Variants in CSNK2A1 observed in about 807,000 individuals in gnomAD.
The protein encoded by CSNK2A1 is casein kinase 2 alpha 1, also known as casein kinase II subunit alpha.
A neutral mutation model predicts 62.9 loss-of-function variants in CSNK2A1; 10 were observed. The ratio of observed to expected loss-of-function variants is 0.16; its 90% CI spans 0.10 to 0.27. The LOEUF (loss-of-function observed/expected upper bound fraction) is 0.27, where lower values mean the gene tolerates loss of function less well. Ranked by LOEUF, CSNK2A1 falls within the 10% of genes least tolerant of loss-of-function variation. The pLI, the probability that CSNK2A1 is intolerant of heterozygous loss-of-function variation, is 1.00. For synonymous variants in CSNK2A1, 124 were observed against 167.8 expected, an observed-to-expected ratio of 0.74 and a Z score of 2.02; for missense variants, 160 against 492.0, an observed-to-expected ratio of 0.33 and a Z score of 6.38.
chr20:527,796 C>T (rs2019128851), intron 2 of CSNK2A1, 137 bp downstream of exon 2: 1 of 152,200 alleles, frequency 6.6e-6, no homozygotes, highest in African/African-American at 2.4e-5. Flanking sequence ...GTTTCAGCCT[C>T]CCAAAGTGCT....
At chr20:526,997 C>CAGAGAG (rs1186187834) in intron 2 of CSNK2A1, 3 of 53,934 alleles carry the variant, frequency 5.6e-5, no homozygotes, top group South Asian at 9.3e-4. Context: ...GAGAGAGAGA[C>CAGAGAG]AGACAGAGAG....
In CSNK2A1 at chr20:481,888, C is replaced by A. The variant is rs532243957; in HGVS notation, c.*2073G>T. 7.9e-5 allele frequency: 12 copies of A among 152,302 alleles called. No homozygotes were observed. In the South Asian group the frequency reaches 2.5e-3, roughly 32 times the overall value. 9.4% of individuals were successfully genotyped at this position (152,302 alleles called of 1,614,324 possible). Reference sequence around the variant, plus strand: ...CTTCTGCACAAATTCAACATGGTAACCCTCACAGCATTCTAGGGCATAAAA... The same window carrying A: ...CTTCTGCACAAATTCAACATGGTAAACCTCACAGCATTCTAGGGCATAAAA... On this transcript the variant is annotated 3_prime_UTR_variant, in exon 14 of 14. Transcript: ENST00000217244.
In CSNK2A1 at chr20:496,918, T is replaced by C. The variant is rs559741406; in HGVS notation, c.426+803A>G. The stretch of plus-strand genomic sequence containing the variant: ...ACTGAGTTAAAGTTTACTGTTTTAT[T>C]TGCTGACTCTTAAGTGAGATAAAGT... On this transcript the variant is annotated intron_variant, in intron 7 of 13. Transcript: ENST00000217244. Among the ~76,000 whole-genome samples the C allele has an allele frequency of 2.6e-5, 4 of 152,330 alleles. No individual in the cohort carries two copies. In the South Asian group the frequency reaches 8.3e-4, roughly 32 times the overall value.
At chr20:503,570 G>C (rs2018512985) in intron 4 of CSNK2A1, 1 of 398,480 alleles carries the variant, frequency 2.5e-6, no homozygotes. Flanking sequence ...CTGCCAGCTT[G>C]AGGTGGTTCG....
chr20:484,724 G>GTGTGTGTGTT (rs2018031058), intron 13 of CSNK2A1, among the ~76,000 whole-genome samples: 1 of 146,584 alleles, frequency 6.8e-6, no homozygotes, highest in African/African-American at 2.6e-5. Context: ...GTGTGTGTGT[G>GTGTGTGTGTT]TACACACAGG....
At chr20:485,098 AAAAAAAAAAAAATATATATATAT>A (rs2018056222) in intron 13 of CSNK2A1, among the ~76,000 whole-genome samples, 1 of 53,444 alleles carries the variant, frequency 1.9e-5, no homozygotes, top group Non-Finnish European at 3.6e-5. Context: ...AAAAAAAAAA[AAAAAAAAAAAAATATATATATAT>A]ATATATATAT....
At position 529,499 on chromosome 20, in the gene CSNK2A1, C is replaced by T. The variant is rs149944494; in HGVS notation, c.-226-1450G>A. Among the ~76,000 whole-genome samples, 125 of 152,272 alleles carry T rather than the reference C, an allele frequency of 8.2e-4. 1 individual carries two copies. The East Asian group carries it at 0.023, about 28-fold the overall frequency. On this transcript the variant is annotated intron_variant, in intron 1 of 13. Transcript: ENST00000217244. ...GTTGCAGTATTGCAGTGCTTGTCTTCAAGTTACCCTTATTTTACTTAAGAA... is the reference window on the plus strand; with the variant it reads ...GTTGCAGTATTGCAGTGCTTGTCTTTAAGTTACCCTTATTTTACTTAAGAA...
At chr20:532,799 A>T (rs1187346820) in intron 1 of CSNK2A1, among the ~76,000 whole-genome samples, 1 of 152,206 alleles carries the variant, frequency 6.6e-6, no homozygotes, top group Non-Finnish European at 1.5e-5. Context: ...TTTCAAGTAT[A>T]GACCAGATGT....
intron 2 of CSNK2A1, among the ~76,000 whole-genome samples, chr20:524,812 T>C (rs1205870974): frequency 6.6e-6 from 1 of 151,734 alleles, no homozygotes; most frequent in East Asian, 1.9e-4. Flanking sequence ...CCCATAAATA[T>C]GTACAATTAT....
At chr20:505,605 G>A (rs1360689543) in intron 3 of CSNK2A1, among the ~76,000 whole-genome samples, 11 of 150,774 alleles carry the variant, frequency 7.3e-5, no homozygotes, top group Non-Finnish European at 1.3e-4. Flanking sequence ...CTCGTGATTC[G>A]TCCGCCTCGG....
chr20:481,442 T>C lies in CSNK2A1; in HGVS notation c.*2519A>G, dbSNP rs1221803481. The C allele has an allele frequency of 6.6e-6, 1 of 151,638 alleles. No homozygotes were observed. Among genetic ancestry groups the C allele is most frequent in the Non-Finnish European group, 1.5e-5 (1 of 67,962 alleles). 9.4% of individuals were successfully genotyped at this position (151,638 alleles called of 1,614,324 possible). On this transcript the variant is annotated 3_prime_UTR_variant, in exon 14 of 14. Transcript: ENST00000217244. The stretch of plus-strand genomic sequence containing the variant: ...AATACAAGGTATACAGATGAGGTAA[T>C]TTACAACAACACGTAAGTTGTTACT...
intron 1 of CSNK2A1, among the ~76,000 whole-genome samples, chr20:528,594 CTTTTTTTTCTTTCTTTCTTTTGT>C (rs2019146799): frequency 6.6e-6 from 1 of 151,656 alleles, no homozygotes; most frequent in Non-Finnish European, 1.5e-5. Context: ...TAAATTTTTT[CTTTTTTTTCTTTCTTTCTTTTGT>C]TTTTTTTTCT....
chr20:506,914 C>G (rs1219870189), intron 3 of CSNK2A1: 2 of 152,132 alleles, frequency 1.3e-5, no homozygotes, highest in Admixed American at 6.5e-5. Flanking sequence ...TTGAAGATAG[C>G]GGCTGAAATT....
chr20:486,505 G>T (rs2122503647), intron 12 of CSNK2A1, 43 bp from the exon 13 acceptor site: 1 of 1,605,348 alleles, frequency 6.2e-7, no homozygotes, highest in Non-Finnish European at 8.5e-7. Flanking sequence ...TTGCTTGAAA[G>T]ATTAAACTAA....
At chr20:485,559 T>G (rs1409308439) in intron 13 of CSNK2A1, among the ~76,000 whole-genome samples, 1 of 152,354 alleles carries the variant, frequency 6.6e-6, no homozygotes, top group East Asian at 1.9e-4. Context: ...CTTATTCTAC[T>G]GGCTGCACCA....
At chr20:530,468 CTT>C (rs779710774) in intron 1 of CSNK2A1, among the ~76,000 whole-genome samples, 116 of 135,042 alleles carry the variant, frequency 8.6e-4, no homozygotes, top group Non-Finnish European at 1.0e-3. Flanking sequence ...ACTTTTTTTC[CTT>C]TTTTTTTTTT....
Position 497,772 on chromosome 20 carries a change from G to A in CSNK2A1, c.375C>T (p.Tyr125=), listed in dbSNP as rs201597732. 13 of 1,612,322 alleles carry A rather than the reference G, an allele frequency of 8.1e-6. No homozygotes were observed. In the African/African-American group the frequency reaches 1.6e-4, roughly 20 times the overall value. The stretch of plus-strand genomic sequence containing the variant: ...GAATATCATAGTCTGTTAACGTCTG[G>A]TACAATTGCTGTTAAAGACAAATGT... ...HVNNTDFKQL[Y]QTLTDYDIRF... The change falls in exon 7 of 14, where the codon TAC becomes TAT. Residue 125 remains tyrosine (Y), a synonymous_variant. Coordinates refer to ENST00000217244, the MANE Select transcript of CSNK2A1 (RefSeq NM_177559.3).
In CSNK2A1 at chr20:481,703, C is replaced by T. The variant is rs560833167; in HGVS notation, c.*2258G>A. 6.6e-5 allele frequency: 10 copies of T among 152,106 alleles called. No individual in the cohort carries two copies. Among genetic ancestry groups the T allele is most frequent in the African/African-American group, 1.9e-4 (8 of 41,396 alleles). 9.4% of individuals were successfully genotyped at this position (152,106 alleles called of 1,614,324 possible). On this transcript the variant is annotated 3_prime_UTR_variant, in exon 14 of 14. Coordinates refer to ENST00000217244, the MANE Select transcript of CSNK2A1 (RefSeq NM_177559.3). The stretch of plus-strand genomic sequence containing the variant: ...CTCTCCGCATCAGCCTAAGCTACAC[C>T]TCAATTTCCGAGCTACAAGGATAGG...
At chr20:531,961 G>A (rs2019221386) in intron 1 of CSNK2A1, among the ~76,000 whole-genome samples, 1 of 152,126 alleles carries the variant, frequency 6.6e-6, no homozygotes, top group Non-Finnish European at 1.5e-5. Flanking sequence ...ACCTTAAATT[G>A]TTCACAGTCT....
Sources: gnomAD v4.1 joint callset for allele counts (sites outside exome capture counted in the v4.1 genomes callset) on GRCh38, gnomAD v4.1.1 for gene constraint, MANE v1.5 for transcripts, NCBI Gene and HGNC (gene_info 2026-07-23, HGNC 2026-07-21) for gene names.